Variants in THSD4 observed in about 807,000 individuals in gnomAD.
The protein encoded by THSD4 is thrombospondin type 1 domain containing 4.
Under a neutral mutation model 119.0 loss-of-function variants are expected in THSD4, and 69 were observed. The observed-to-expected ratio is 0.58, with a 90% confidence interval of 0.48 to 0.71. THSD4 has a LOEUF of 0.71. THSD4 is among the 30% of genes least tolerant of loss of function. The pLI is 0.00. For synonymous variants in THSD4, 524 were observed against 540.4 expected, an observed-to-expected ratio of 0.97 and a Z score of 0.42; for missense variants, 1,393 against 1,391.1, an observed-to-expected ratio of 1.00 and a Z score of -0.02.
intron 7 of THSD4, among the ~76,000 whole-genome samples, chr15:71,503,858 C>A (rs1187481585): frequency 6.6e-6 from 1 of 152,178 alleles, no homozygotes; most frequent in Non-Finnish European, 1.5e-5. Flanking sequence ...TGGAGCCAAT[C>A]CTCCTAACTT....
chr15:71,151,593 C>T (rs957448840), intron 2 of THSD4, among the ~76,000 whole-genome samples: 1 of 152,128 alleles, frequency 6.6e-6, no homozygotes, highest in Non-Finnish European at 1.5e-5. Context: ...GGTCATGCAA[C>T]CATGGAGCAT....
chr15:71,155,011 C>A, intron 3 of THSD4, 79 bp downstream of exon 3: 1 of 1,400,044 alleles, frequency 7.1e-7, no homozygotes, highest in Non-Finnish European at 1.0e-6. Flanking sequence ...GAACTTTGTT[C>A]TGTTTGAAGG....
intron 7 of THSD4, among the ~76,000 whole-genome samples, chr15:71,505,445 A>G (rs776278817): frequency 1.2e-4 from 18 of 152,238 alleles, no homozygotes; most frequent in Non-Finnish European, 2.2e-4. Flanking sequence ...CTGAAATGCA[A>G]AATTAGATAT....
At chr15:71,676,198 A>G (rs1222640432) in intron 8 of THSD4, among the ~76,000 whole-genome samples, 1 of 152,230 alleles carries the variant, frequency 6.6e-6, no homozygotes, top group African/African-American at 2.4e-5. Context: ...TAAAATATAT[A>G]TAAACATAAC....
chr15:71,660,883 G>A (rs971819464), intron 8 of THSD4, 149 bp downstream of exon 8: 32 of 839,748 alleles, frequency 3.8e-5, no homozygotes, highest in Non-Finnish European at 5.3e-5. Flanking sequence ...CCTGGCCTGC[G>A]CCTTGAAATG....
chr15:71,155,365 T>C (rs1018613164), intron 3 of THSD4, among the ~76,000 whole-genome samples: 2 of 152,184 alleles, frequency 1.3e-5, no homozygotes, highest in Non-Finnish European at 2.9e-5. Context: ...GGGGATAGTG[T>C]TAAACCATGA....
At chr15:71,561,148 G>T (rs1258550931) in intron 7 of THSD4, among the ~76,000 whole-genome samples, 10 of 151,640 alleles carry the variant, frequency 6.6e-5, no homozygotes, top group African/African-American at 2.4e-4. Context: ...CTCATTTTTT[G>T]CATTTTTAGT....
intron 14 of THSD4, among the ~76,000 whole-genome samples, chr15:71,757,305 A>T (rs1198520902): frequency 6.6e-6 from 1 of 152,202 alleles, no homozygotes; most frequent in South Asian, 2.1e-4. Context: ...AATATCAGGC[A>T]GCAACATTGA....
At chr15:71,138,221 G>A (rs1049138102) in intron 1 of THSD4, among the ~76,000 whole-genome samples, 2 of 152,144 alleles carry the variant, frequency 1.3e-5, no homozygotes, top group Non-Finnish European at 2.9e-5. Flanking sequence ...TTACATGGCG[G>A]CAGGTGAGAG....
At chr15:71,739,098 GA>G (rs34273398) in intron 11 of THSD4, among the ~76,000 whole-genome samples, 11,396 of 106,550 alleles carry the variant, frequency 0.11, 489 homozygotes, top group African/African-American at 0.17. Context: ...CAGGATTTCA[GA>G]AAAAAAAAAA....
At chr15:71,515,118 G>T (rs1161127866) in intron 7 of THSD4, among the ~76,000 whole-genome samples, 4 of 152,280 alleles carry the variant, frequency 2.6e-5, no homozygotes, top group Non-Finnish European at 5.9e-5. Context: ...TATTGTTTTT[G>T]AAATGGTTTT....
rs3087532 is a variant in THSD4 at position 71,778,897 on chromosome 15, A to G, written c.*1523A>G. 133,601 of 152,346 alleles carry G rather than the reference A, an allele frequency of 0.88. 58,939 individuals carry two copies. Among genetic ancestry groups the G allele is most frequent in the Middle Eastern group, 0.94 (275 of 294 alleles). 9.4% of individuals were successfully genotyped at this position (152,346 alleles called of 1,614,324 possible). On this transcript the variant is annotated 3_prime_UTR_variant, in exon 18 of 18. Transcript: ENST00000261862. ...GTTAAGAGGAATATATGTATGTTTT[A>G]CCCATTAAGAAAAAATGGCAAGCTA... is the stretch of plus-strand genomic sequence containing the variant.
intron 1 of THSD4, among the ~76,000 whole-genome samples, chr15:71,135,392 C>CAAAAAA (rs1170278742): frequency 8.2e-5 from 10 of 122,520 alleles, no homozygotes; most frequent in African/African-American, 1.9e-4. Flanking sequence ...TACTAAATGA[C>CAAAAAA]AAAAAAAAAA....
At chr15:71,679,175 C>T (rs2051717442) in intron 8 of THSD4, among the ~76,000 whole-genome samples, 1 of 152,126 alleles carries the variant, frequency 6.6e-6, no homozygotes, top group African/African-American at 2.4e-5. Context: ...TTTGGAAATC[C>T]TTTGATGACT....
At chr15:71,317,316 C>T (rs925108778) in intron 6 of THSD4, among the ~76,000 whole-genome samples, 2 of 152,196 alleles carry the variant, frequency 1.3e-5, no homozygotes, top group African/African-American at 4.8e-5. Context: ...CTAATAAAGA[C>T]ATACCCAAGG....
At chr15:71,500,143 TG>T (rs1435475006) in intron 7 of THSD4, among the ~76,000 whole-genome samples, 2 of 152,182 alleles carry the variant, frequency 1.3e-5, no homozygotes, top group Admixed American at 6.5e-5. Context: ...CACCAACGCT[TG>T]TTATTATCTA....
At chr15:71,325,651 G>A (rs939524120) in intron 6 of THSD4, among the ~76,000 whole-genome samples, 1 of 152,168 alleles carries the variant, frequency 6.6e-6, no homozygotes, top group Non-Finnish European at 1.5e-5. Context: ...TTCCACATTT[G>A]TGCAATGGAC....
At chr15:71,553,037 A>G (rs938556101) in intron 7 of THSD4, among the ~76,000 whole-genome samples, 2 of 151,626 alleles carry the variant, frequency 1.3e-5, no homozygotes, top group South Asian at 2.1e-4. Flanking sequence ...TCTCTCCCCT[A>G]TCCTTCTTCC....
chr15:71,718,394 G>A (rs559602347), intron 8 of THSD4, among the ~76,000 whole-genome samples: 27 of 152,290 alleles, frequency 1.8e-4, no homozygotes, highest in African/African-American at 5.5e-4. Flanking sequence ...AGAGGGGAGC[G>A]TGGCCTGAGA....
Sources: allele counts gnomAD v4.1 joint callset (sites outside exome capture counted in the v4.1 genomes callset), GRCh38; gene constraint gnomAD v4.1.1; transcripts MANE v1.5; gene names NCBI Gene and HGNC (gene_info 2026-07-23, HGNC 2026-07-21).